Variants in RAPGEF6 observed in about 807,000 individuals in gnomAD.
The protein encoded by RAPGEF6 is Rap guanine nucleotide exchange factor 6.
RAPGEF6 carries 56 observed loss-of-function variants against 171.4 expected under a neutral mutation model. The ratio of observed to expected loss-of-function variants is 0.33; its 90% CI spans 0.26 to 0.41. The LOEUF is 0.41. Ranked by LOEUF, RAPGEF6 falls within the 10% of genes least tolerant of loss-of-function variation. The probability of loss-of-function intolerance (pLI) is 1.00; values close to 1 mark genes in which losing one functional copy is unlikely to be tolerated. For missense variants in RAPGEF6, 1,674 were observed against 1,921.4 expected, an observed-to-expected ratio of 0.87 and a Z score of 2.41; for synonymous variants, 692 against 650.1, an observed-to-expected ratio of 1.06 and a Z score of -0.98.
chr5:131,545,005 G>C (rs1345331679), intron 6 of RAPGEF6, among the ~76,000 whole-genome samples: 1 of 151,930 alleles, frequency 6.6e-6, no homozygotes, highest in Non-Finnish European at 1.5e-5. Context: ...TTAAATATGA[G>C]TAGTACATTA....
intron 13 of RAPGEF6, among the ~76,000 whole-genome samples, chr5:131,493,884 A>G (rs1756457344): frequency 6.6e-6 from 1 of 152,234 alleles, no homozygotes; most frequent in African/African-American, 2.4e-5. Context: ...GAGTACCTCT[A>G]TAACCTTTTA....
chr5:131,618,132 G>T (rs1765385080), intron 1 of RAPGEF6, among the ~76,000 whole-genome samples: 1 of 152,116 alleles, frequency 6.6e-6, no homozygotes, highest in Non-Finnish European at 1.5e-5. Context: ...GACTAATGGG[G>T]TCACATCAAA....
intron 4 of RAPGEF6, among the ~76,000 whole-genome samples, chr5:131,587,117 G>C (rs967674299): frequency 2.0e-5 from 3 of 152,120 alleles, no homozygotes; most frequent in Non-Finnish European, 2.9e-5. Context: ...TTGCCCAATA[G>C]ATTCCATTAT....
intron 25 of RAPGEF6, among the ~76,000 whole-genome samples, chr5:131,432,720 AG>A (rs1348317782): frequency 6.6e-6 from 1 of 152,062 alleles, no homozygotes; most frequent in African/African-American, 2.4e-5. Flanking sequence ...GTAATAGCAG[AG>A]TAGTTGTGAC....
intron 3 of RAPGEF6, among the ~76,000 whole-genome samples, chr5:131,602,603 A>G (rs1486240321): frequency 6.6e-6 from 1 of 152,164 alleles, no homozygotes; most frequent in Admixed American, 6.5e-5. Flanking sequence ...TCTACTAAAG[A>G]TACAAAAAGT....
At chr5:131,634,884 G>A in intron 1 of RAPGEF6, 78 bp downstream of exon 1, 1 of 1,535,452 alleles carries the variant, frequency 6.5e-7, no homozygotes. Context: ...CAAGAGGGCA[G>A]TCGCCGCGGA....
intron 16 of RAPGEF6, among the ~76,000 whole-genome samples, chr5:131,478,832 T>TGCCC: frequency 6.6e-6 from 1 of 152,328 alleles, no homozygotes; most frequent in South Asian, 2.1e-4. Context: ...TTTTTGAACT[T>TGCCC]GCTTTATTTC....
chr5:131,603,775 C>T (rs1764389927), intron 2 of RAPGEF6, among the ~76,000 whole-genome samples: 1 of 151,640 alleles, frequency 6.6e-6, no homozygotes, highest in South Asian at 2.1e-4. Context: ...TTCTTTCTTC[C>T]TGATATAATT....
chr5:131,529,154 A>G (rs756169714), intron 6 of RAPGEF6, among the ~76,000 whole-genome samples: 16 of 130,080 alleles, frequency 1.2e-4, no homozygotes, highest in South Asian at 4.8e-4. Context: ...GAGACCACGG[A>G]AAAAAAAAAA....
intron 10 of RAPGEF6, among the ~76,000 whole-genome samples, 159 bp from the exon 11 acceptor site, chr5:131,504,937 G>C (rs189358615): frequency 2.6e-5 from 4 of 152,080 alleles, no homozygotes; most frequent in African/African-American, 9.7e-5. Flanking sequence ...AACAATTCAC[G>C]TATGAAGAGA....
At chr5:131,580,114 G>A (rs963808316) in intron 4 of RAPGEF6, among the ~76,000 whole-genome samples, 4 of 94,688 alleles carry the variant, frequency 4.2e-5, no homozygotes, top group Admixed American at 2.5e-4. Context: ...GGCTCGGGCC[G>A]CGTGGGAGCC....
At chr5:131,619,048 A>T (rs544603959) in intron 1 of RAPGEF6, among the ~76,000 whole-genome samples, 92 of 152,152 alleles carry the variant, frequency 6.0e-4, no homozygotes, top group South Asian at 2.7e-3. Context: ...ATGAAAGGAA[A>T]AAAAAAAAAA....
chr5:131,490,747 T>G (rs1756224888), intron 14 of RAPGEF6, among the ~76,000 whole-genome samples: 1 of 152,160 alleles, frequency 6.6e-6, no homozygotes, highest in Non-Finnish European at 1.5e-5. Flanking sequence ...ACCCATCTGT[T>G]CCTTAAAAAA....
intron 6 of RAPGEF6, among the ~76,000 whole-genome samples, chr5:131,541,784 C>T (rs1346791790): frequency 6.6e-6 from 1 of 152,180 alleles, no homozygotes; most frequent in Non-Finnish European, 1.5e-5. Flanking sequence ...GAAATATACA[C>T]AAAATCCCTA....
intron 6 of RAPGEF6, among the ~76,000 whole-genome samples, chr5:131,523,734 A>C (rs931817281): frequency 1.3e-5 from 2 of 152,134 alleles, no homozygotes; most frequent in Non-Finnish European, 2.9e-5. Flanking sequence ...ATTTTCCAAA[A>C]GTGACAAAAG....
intron 17 of RAPGEF6, among the ~76,000 whole-genome samples, chr5:131,469,116 C>G (rs953118882): frequency 6.6e-6 from 1 of 152,180 alleles, no homozygotes; most frequent in Non-Finnish European, 1.5e-5. Context: ...TAGAACAACA[C>G]ACCTTGAAAC....
At chr5:131,552,655 T>C (rs1760992210) in intron 5 of RAPGEF6, among the ~76,000 whole-genome samples, 1 of 151,890 alleles carries the variant, frequency 6.6e-6, no homozygotes, top group Non-Finnish European at 1.5e-5. Flanking sequence ...GAGATGGGGT[T>C]TCACCATGTT....
chr5:131,526,981 G>A (rs1758910359), intron 6 of RAPGEF6, among the ~76,000 whole-genome samples: 1 of 152,102 alleles, frequency 6.6e-6, no homozygotes, highest in South Asian at 2.1e-4. Flanking sequence ...AAAGGCTAGA[G>A]GTAGAATATA....
At chr5:131,499,842 T>C (rs1756900669) in intron 11 of RAPGEF6, among the ~76,000 whole-genome samples, 1 of 152,156 alleles carries the variant, frequency 6.6e-6, no homozygotes, top group Admixed American at 6.5e-5. Flanking sequence ...ACAATGTTCT[T>C]TATCTAAGAA....
Sources: allele counts gnomAD v4.1 joint callset (sites outside exome capture counted in the v4.1 genomes callset), GRCh38; gene constraint gnomAD v4.1.1; transcripts MANE v1.5; gene names NCBI Gene and HGNC (gene_info 2026-07-23, HGNC 2026-07-21).